The following PARD3B variants were observed in gnomAD, a reference collection of about 807,000 sequenced individuals.
PARD3B encodes the protein par-3 family cell polarity regulator beta, also known as partitioning defective 3 homolog B.
PARD3B carries 103 observed loss-of-function variants against 130.2 expected under a neutral mutation model. The ratio of observed to expected loss-of-function variants is 0.79; its 90% CI spans 0.67 to 0.93. The LOEUF (loss-of-function observed/expected upper bound fraction) is 0.93, where lower values mean the gene tolerates loss of function less well. PARD3B is among the 40% of genes least tolerant of loss of function. The pLI is 0.00. For missense variants in PARD3B, 1,609 were observed against 1,499.2 expected (o/e 1.07, Z -1.21); for synonymous variants, 583 against 553.2 (o/e 1.05, Z -0.76).
chr2:205,348,934 C>T (rs2043892737), intron 18 of PARD3B, among the ~76,000 whole-genome samples: 1 of 152,062 alleles, frequency 6.6e-6, no homozygotes, highest in South Asian at 2.1e-4. Context: ...GAAATCAAAT[C>T]AACTCAAAGA....
At position 205,471,677 on chromosome 2, in the gene PARD3B, C is replaced by T. The variant is rs1052592606; in HGVS notation, c.3045-28219C>T. The stretch of plus-strand genomic sequence containing the variant: ...CACGCCCGGCCCTCATTTTTATTTT[C>T]TAAACTAAAAAACAGTAACCTGAGA... On this transcript the variant is annotated intron_variant, in intron 20 of 22. Transcript: ENST00000406610. 2.0e-5 allele frequency among the ~76,000 whole-genome samples: 3 copies of T among 152,132 alleles called. No individual in the cohort carries two copies. The South Asian group carries it at 6.2e-4, about 32-fold the overall frequency.
Position 204,862,167 on chromosome 2 carries a change from C to T in PARD3B, c.223-102985C>T, listed in dbSNP as rs1438887605. Among the ~76,000 whole-genome samples, 10 of 152,250 alleles carry T rather than the reference C, an allele frequency of 6.6e-5. No homozygotes were observed. In the East Asian group the frequency reaches 1.7e-3, roughly 26 times the overall value. ...TTTTAGTCTACGTATGATATCCACT[C>T]CCAGCGATACAGCTCTTTTTCCTTG... On this transcript the variant is annotated intron_variant, in intron 2 of 22. Coordinates refer to ENST00000406610, the MANE Select transcript of PARD3B (RefSeq NM_001302769.2).
chr2:205,603,799 C>T (rs1279494166), intron 22 of PARD3B, among the ~76,000 whole-genome samples: 3 of 152,056 alleles, frequency 2.0e-5, no homozygotes, highest in Non-Finnish European at 4.4e-5. Context: ...TGACTCTATG[C>T]TGCTTGCCAT....
intron 2 of PARD3B, among the ~76,000 whole-genome samples, chr2:204,797,764 C>T (rs1219801528): frequency 1.3e-5 from 2 of 152,060 alleles, no homozygotes; most frequent in East Asian, 3.9e-4. Context: ...ATTAGTGCTT[C>T]TACAACAGAA....
At chr2:205,162,541 A>G (rs1299040148) in intron 11 of PARD3B, among the ~76,000 whole-genome samples, 3 of 152,246 alleles carry the variant, frequency 2.0e-5, no homozygotes. Context: ...TTTGCCCCTG[A>G]CATACAGTGT....
At chr2:205,503,020 C>T (rs1392289730) in intron 21 of PARD3B, among the ~76,000 whole-genome samples, 2 of 150,616 alleles carry the variant, frequency 1.3e-5, no homozygotes, top group Admixed American at 1.3e-4. Context: ...CCCCTCTCCC[C>T]TCTCCCCTCT....
intron 22 of PARD3B, among the ~76,000 whole-genome samples, chr2:205,557,542 T>A (rs978343868): frequency 6.6e-6 from 1 of 152,178 alleles, no homozygotes; most frequent in African/African-American, 2.4e-5. Context: ...AGGCCATGAT[T>A]ATAGCCCCAG....
intron 2 of PARD3B, among the ~76,000 whole-genome samples, chr2:204,793,952 CTT>C (rs1159105907): frequency 6.6e-6 from 1 of 152,100 alleles, no homozygotes; most frequent in African/African-American, 2.4e-5. Context: ...CAAATCATAA[CTT>C]TTTTTCTGGC....
At chr2:204,633,125 G>A (rs1281478337) in intron 1 of PARD3B, among the ~76,000 whole-genome samples, 5 of 152,116 alleles carry the variant, frequency 3.3e-5, no homozygotes, top group Non-Finnish European at 7.4e-5. Context: ...TCATAAGGTA[G>A]TTCTATTTTG....
At chr2:205,465,368 G>T (rs116962218) in intron 20 of PARD3B, among the ~76,000 whole-genome samples, 1 of 152,236 alleles carries the variant, frequency 6.6e-6, no homozygotes, top group East Asian at 1.9e-4. Context: ...AGGAACTGGC[G>T]CGATATTATC....
intron 6 of PARD3B, among the ~76,000 whole-genome samples, chr2:205,117,699 G>T (rs186976048): frequency 6.6e-6 from 1 of 152,332 alleles, no homozygotes; most frequent in African/African-American, 2.4e-5. Context: ...CAAGAGTATT[G>T]ATAAAGTGCA....
intron 18 of PARD3B, among the ~76,000 whole-genome samples, chr2:205,332,766 A>G (rs1447263742): frequency 6.6e-6 from 1 of 152,248 alleles, no homozygotes; most frequent in East Asian, 1.9e-4. Flanking sequence ...ACTAAATAGT[A>G]GTGTCCACTT....
chr2:204,724,653 T>C (rs1214663536), intron 2 of PARD3B, among the ~76,000 whole-genome samples: 4 of 152,118 alleles, frequency 2.6e-5, no homozygotes. Flanking sequence ...GACCCTTTGA[T>C]ATTCAGTTTA....
At chr2:204,687,628 G>C (rs1296825485) in intron 2 of PARD3B, among the ~76,000 whole-genome samples, 1 of 152,082 alleles carries the variant, frequency 6.6e-6, no homozygotes, top group East Asian at 1.9e-4. Flanking sequence ...TATTTAGTTG[G>C]TCTCAGGGTA....
At chr2:205,210,935 C>G (rs115885095) in intron 15 of PARD3B, among the ~76,000 whole-genome samples, 1 of 151,792 alleles carries the variant, frequency 6.6e-6, no homozygotes. Flanking sequence ...AAATTTCAGC[C>G]CTTGCTCACA....
chr2:204,726,657 T>C (rs1349659983), intron 2 of PARD3B, among the ~76,000 whole-genome samples: 2 of 152,208 alleles, frequency 1.3e-5, no homozygotes, highest in African/African-American at 4.8e-5. Context: ...CCTTATTGTA[T>C]ACAAAATGTA....
At position 205,584,026 on chromosome 2, in the gene PARD3B, A is replaced by C. The variant is rs1200980779; in HGVS notation, c.3260+30623A>C. ...CTCTAAGACACTACAGGGCATTTTC[A>C]AATATTTTATCTTGGAAACTTGATT... On this transcript the variant is annotated intron_variant, in intron 22 of 22. Coordinates refer to ENST00000406610, the MANE Select transcript of PARD3B (RefSeq NM_001302769.2). This position sits in a 1 kb window ranked among gnomAD's most constrained non-coding sequence, Gnocchi z 5.5. Among the ~76,000 whole-genome samples, 1 of 152,228 alleles carries C rather than the reference A, an allele frequency of 6.6e-6. No homozygotes were observed. The highest frequency in any genetic ancestry group is 1.5e-5 in the Non-Finnish European group (1 of 68,038).
chr2:205,218,747 C>A (rs563048107), intron 15 of PARD3B, among the ~76,000 whole-genome samples: 1 of 152,104 alleles, frequency 6.6e-6, no homozygotes, highest in Admixed American at 6.6e-5. Context: ...CTGAGATGTC[C>A]AAAGAAATCT....
At chr2:205,250,215 CT>C (rs2039779644) in intron 16 of PARD3B, among the ~76,000 whole-genome samples, 2 of 151,390 alleles carry the variant, frequency 1.3e-5, no homozygotes, top group South Asian at 4.2e-4. Flanking sequence ...ATAAATTTTA[CT>C]TTTTTTAGTG....
Sources: allele counts gnomAD v4.1 joint callset (sites outside exome capture counted in the v4.1 genomes callset), GRCh38; gene constraint gnomAD v4.1.1; non-coding constraint Gnocchi (gnomAD v3.1); transcripts MANE v1.5; gene names NCBI Gene and HGNC (gene_info 2026-07-23, HGNC 2026-07-21).